IQCE: variants seen among roughly 807,000 people sequenced by gnomAD.
IQCE encodes IQ domain-containing protein E.
IQCE carries 115 observed loss-of-function variants against 96.0 expected under a neutral mutation model. The observed-to-expected ratio is 1.20, with a 90% CI of 1.03 to 1.40. The LOEUF is 1.40. Ranked by LOEUF, IQCE falls within the 40% of genes most tolerant of loss-of-function variation. IQCE has a pLI of 0.00. For missense variants in IQCE, 1,041 were observed against 909.1 expected, an observed-to-expected ratio of 1.15 and a Z score of -1.87; for synonymous variants, 412 against 371.2, an observed-to-expected ratio of 1.11 and a Z score of -1.26.
At chr7:2,592,852 G>A (rs1783714612) in intron 14 of IQCE, among the ~76,000 whole-genome samples, 170 bp from the exon 15 acceptor site, 2 of 152,244 alleles carry the variant, frequency 1.3e-5, no homozygotes, top group Non-Finnish European at 2.9e-5. Context: ...GAGCCCTGAG[G>A]TCTGTCCTTG....
chr7:2,566,910 T>C (rs190324166), intron 1 of IQCE, among the ~76,000 whole-genome samples: 148 of 152,334 alleles, frequency 9.7e-4, no homozygotes, highest in Non-Finnish European at 1.5e-3. Flanking sequence ...GCGTTTTGTG[T>C]TTTGTTCCCC....
intron 2 of IQCE, among the ~76,000 whole-genome samples, 170 bp from the exon 3 acceptor site, chr7:2,568,784 T>A (rs1274662438): frequency 6.6e-6 from 1 of 152,070 alleles, no homozygotes; most frequent in Non-Finnish European, 1.5e-5. Flanking sequence ...TTTTGTGGGG[T>A]CTGCATCGGG....
chr7:2,563,911 A>AT (rs1478812494), intron 1 of IQCE, among the ~76,000 whole-genome samples: 2 of 150,260 alleles, frequency 1.3e-5, no homozygotes, highest in Admixed American at 6.7e-5. Context: ...AAAAAAAAAA[A>AT]AAAAATTTCA....
rs932435690 is a variant in IQCE at position 2,613,318 on chromosome 7, C to T, written c.*3156C>T. ...CCCTAGAGGCCTGTCCCCAACTCCT[C>T]CCCTAGAGGCCTATTCCCGCTGCTC... On this transcript the variant is annotated 3_prime_UTR_variant, in exon 22 of 22. Coordinates refer to ENST00000402050, the MANE Select transcript of IQCE (RefSeq NM_152558.5). 6.6e-6 allele frequency: 1 copy of T among 152,348 alleles called. No individual in the cohort carries two copies. Among genetic ancestry groups the T allele is most frequent in the African/African-American group, 2.4e-5 (1 of 41,448 alleles). 9.4% of individuals were successfully genotyped at this position (152,348 alleles called of 1,614,324 possible).
intron 3 of IQCE, among the ~76,000 whole-genome samples, chr7:2,569,832 A>T (rs762443707): frequency 6.6e-6 from 1 of 152,236 alleles, no homozygotes; most frequent in African/African-American, 2.4e-5. Flanking sequence ...CAAGGAAAAC[A>T]TAATTAGGTA....
At chr7:2,584,869 G>T (rs1239984889) in intron 11 of IQCE, among the ~76,000 whole-genome samples, 1 of 152,190 alleles carries the variant, frequency 6.6e-6, no homozygotes, top group East Asian at 1.9e-4. Context: ...TAAAGGACCA[G>T]ATGCTAACTA....
intron 16 of IQCE, 48 bp from the exon 17 acceptor site, chr7:2,598,417 G>T (rs775583575): frequency 6.6e-7 from 1 of 1,505,742 alleles, no homozygotes; most frequent in Non-Finnish European, 8.9e-7. Context: ...GATACTGGTT[G>T]TCCCTGCCCT....
intron 1 of IQCE, among the ~76,000 whole-genome samples, chr7:2,561,546 G>T (rs527655046): frequency 6.6e-6 from 1 of 150,490 alleles, no homozygotes; most frequent in Non-Finnish European, 1.5e-5. Flanking sequence ...TCAGCCTCCC[G>T]AGTAGCTGAG....
intron 11 of IQCE, among the ~76,000 whole-genome samples, chr7:2,585,957 G>A (rs1036962534): frequency 6.6e-6 from 1 of 152,204 alleles, no homozygotes; most frequent in Non-Finnish European, 1.5e-5. Context: ...GTATAATACT[G>A]ATGGTTGAAC....
chr7:2,597,666 ATTTTTC>A (rs2128465829), intron 16 of IQCE, among the ~76,000 whole-genome samples: 1 of 152,124 alleles, frequency 6.6e-6, no homozygotes, highest in Admixed American at 6.5e-5. Context: ...AGAAATCATA[ATTTTTC>A]TTTTTTCTTT....
At chr7:2,576,399 C>T (rs1008139585) in intron 6 of IQCE, among the ~76,000 whole-genome samples, 30 of 152,110 alleles carry the variant, frequency 2.0e-4, no homozygotes, top group African/African-American at 5.6e-4. Flanking sequence ...TGTGAGAAAT[C>T]CACTACAGAG....
At chr7:2,598,376 C>G in intron 16 of IQCE, 89 bp from the exon 17 acceptor site, 1 of 1,309,720 alleles carries the variant, frequency 7.6e-7, no homozygotes, top group South Asian at 1.5e-5. Flanking sequence ...CGCAGCCGCA[C>G]CATGCCGGGT....
Position 2,614,004 on chromosome 7 carries a change from A to C in IQCE, c.*3842A>C, listed in dbSNP as rs994042126. ...GTATTAAGAAGAGACTAAAATAGCCAAACGACGCTGGTCGCATGCGCTGGC... is the reference window on the plus strand; with the variant it reads ...GTATTAAGAAGAGACTAAAATAGCCCAACGACGCTGGTCGCATGCGCTGGC... On this transcript the variant is annotated 3_prime_UTR_variant, in exon 22 of 22. Coordinates refer to ENST00000402050, the MANE Select transcript of IQCE (RefSeq NM_152558.5). 3 of 152,280 alleles carry C rather than the reference A, an allele frequency of 2.0e-5. No individual in the cohort carries two copies. The highest frequency in any genetic ancestry group is 7.2e-5 in the African/African-American group (3 of 41,472). The allele number at this position is 152,280 out of a possible 1,614,324, so 9.4% of individuals were successfully genotyped here.
At chr7:2,602,140 CTGCGAGGGGT>C (rs1784476228) in intron 18 of IQCE, among the ~76,000 whole-genome samples, 1 of 152,152 alleles carries the variant, frequency 6.6e-6, no homozygotes, top group Non-Finnish European at 1.5e-5. Context: ...CAGGAGGTCC[CTGCGAGGGGT>C]GACATGCAAG....
At chr7:2,578,137 C>CGGCGTGCCCGCATT (rs1782341169) in intron 6 of IQCE, 105 bp from the exon 7 acceptor site, 2 of 817,202 alleles carry the variant, frequency 2.4e-6, no homozygotes, top group African/African-American at 3.6e-5. Context: ...GACGTGTGTG[C>CGGCGTGCCCGCATT]GGCGTGCCCG....
At chr7:2,591,072 G>C (rs1224436248) in intron 14 of IQCE, among the ~76,000 whole-genome samples, 3 of 152,170 alleles carry the variant, frequency 2.0e-5, no homozygotes, top group African/African-American at 7.2e-5. Context: ...GGACAGCATG[G>C]TGAAACCTCG....
intron 1 of IQCE, among the ~76,000 whole-genome samples, chr7:2,564,424 C>T (rs11768514): frequency 0.2 from 30,818 of 151,654 alleles, 3,446 homozygotes; most frequent in Non-Finnish European, 0.25. Context: ...GTGAATATAA[C>T]CCCATTTCTA....
Position 2,594,993 on chromosome 7 carries a change from G to T in IQCE, c.1440+17G>T, listed in dbSNP as rs547829122. ...CCTCATAAGGTACAGTGACCATTCA[G>T]TTGAGTCTCCCGTCAGGTGCGGTGA... is the stretch of plus-strand genomic sequence containing the variant. On this transcript the variant is annotated intron_variant, in intron 16 of 21. Coordinates refer to ENST00000402050, the MANE Select transcript of IQCE (RefSeq NM_152558.5). 7.1e-6 allele frequency: 11 copies of T among 1,557,452 alleles called. No homozygotes were observed. In the South Asian group the frequency reaches 1.2e-4, roughly 17 times the overall value.
chr7:2,586,509 T>C (rs1479476874), intron 12 of IQCE, 138 bp downstream of exon 12: 1 of 930,810 alleles, frequency 1.1e-6, no homozygotes, highest in African/African-American at 1.7e-5. Context: ...AGTTCCCACA[T>C]GTGCCAGCAC....
Sources: allele counts gnomAD v4.1 joint callset (sites outside exome capture counted in the v4.1 genomes callset), GRCh38; gene constraint gnomAD v4.1.1; transcripts MANE v1.5; gene names NCBI Gene and HGNC (gene_info 2026-07-23, HGNC 2026-07-21).